SPAG6: variants seen among roughly 807,000 people sequenced by gnomAD.
SPAG6 encodes sperm-associated antigen 6.
Under a neutral mutation model 58.5 loss-of-function variants are expected in SPAG6, and 49 were observed. That is an observed-to-expected ratio of 0.84 (90% CI 0.67 to 1.06). The LOEUF is 1.06. Among genes scored for constraint, SPAG6 ranks in the 50% least tolerant of loss-of-function variants. The pLI, the probability that SPAG6 is intolerant of heterozygous loss-of-function variation, is 0.00. For synonymous variants in SPAG6, 233 were observed against 225.6 expected (o/e 1.03, Z -0.29); for missense variants, 560 against 611.3 (o/e 0.92, Z 0.89).
chr10:22,412,827 T>A (rs1351844070), intron 10 of SPAG6: 5 of 168,756 alleles, frequency 3.0e-5, no homozygotes, highest in Non-Finnish European at 5.0e-5. Flanking sequence ...CACCTTGGCC[T>A]CCCAAAGTGC....
intron 4 of SPAG6, among the ~76,000 whole-genome samples, chr10:22,371,299 G>T (rs1385158903): frequency 6.6e-6 from 1 of 152,030 alleles, no homozygotes; most frequent in African/African-American, 2.4e-5. Flanking sequence ...TGTCGCCCAG[G>T]CTGGAGTGCA....
At chr10:22,402,292 A>C (rs531290583) in intron 9 of SPAG6, among the ~76,000 whole-genome samples, 46 of 152,322 alleles carry the variant, frequency 3.0e-4, no homozygotes, top group African/African-American at 1.1e-3. Context: ...TTTAAAAAAA[A>C]ATGAATGGGG....
At chr10:22,408,832 C>T (rs1235487818) in intron 9 of SPAG6, among the ~76,000 whole-genome samples, 1 of 152,234 alleles carries the variant, frequency 6.6e-6, no homozygotes. Flanking sequence ...GGGATATAAT[C>T]TCCTGGTGCT....
At chr10:22,365,864 T>C (rs931068058) in intron 3 of SPAG6, among the ~76,000 whole-genome samples, 8 of 152,094 alleles carry the variant, frequency 5.3e-5, no homozygotes, top group African/African-American at 1.9e-4. Context: ...CACAATGAGG[T>C]ATCACTTCAT....
At chr10:22,393,206 T>A (rs1344427900) in intron 8 of SPAG6, among the ~76,000 whole-genome samples, 1 of 152,184 alleles carries the variant, frequency 6.6e-6, no homozygotes, top group Non-Finnish European at 1.5e-5. Flanking sequence ...TGGCTTCGTA[T>A]TTCTTTAACC....
intron 4 of SPAG6, among the ~76,000 whole-genome samples, chr10:22,371,722 G>A (rs1034894880): frequency 2.0e-5 from 3 of 152,102 alleles, no homozygotes; most frequent in South Asian, 2.1e-4. Flanking sequence ...ACTTTTAAGG[G>A]CAATAGAAGG....
intron 2 of SPAG6, chr10:22,361,013 A>T: frequency 1.7e-6 from 1 of 596,538 alleles, no homozygotes; most frequent in Non-Finnish European, 3.0e-6. Flanking sequence ...TATGTGTAAG[A>T]GGTAAAAACA....
intron 2 of SPAG6, 75 bp from the exon 3 acceptor site, chr10:22,364,778 G>T: frequency 9.4e-7 from 1 of 1,060,982 alleles, no homozygotes. Context: ...TTTACTGTCT[G>T]CATATATACT....
chr10:22,413,245 TAGTGCTGGCCAGGCTC>T (rs1250849242), intron 10 of SPAG6, among the ~76,000 whole-genome samples: 137 of 151,602 alleles, frequency 9.0e-4, no homozygotes, highest in African/African-American at 3.2e-3. Flanking sequence ...GAAATTAATC[TAGTGCTGGCCAGGCTC>T]AGTGGCTCAT....
At chr10:22,410,820 A>G (rs1310217972) in intron 9 of SPAG6, among the ~76,000 whole-genome samples, 3 of 152,166 alleles carry the variant, frequency 2.0e-5, no homozygotes, top group African/African-American at 7.2e-5. Context: ...GCCCATGTTC[A>G]TTGCCTTTAT....
chr10:22,394,324 A>G lies in SPAG6; in HGVS notation c.1197+2404A>G, dbSNP rs145240827. Among the ~76,000 whole-genome samples the G allele has an allele frequency of 5.0e-3, 762 of 152,312 alleles. 6 individuals are homozygous for G. Among genetic ancestry groups the G allele is most frequent in the African/African-American group, 0.018 (729 of 41,584 alleles). On this transcript the variant is annotated intron_variant, in intron 8 of 10. Coordinates refer to ENST00000376624, the MANE Select transcript of SPAG6 (RefSeq NM_012443.4). ...CCTTTATTTGTTTGGATTTAGAGGCATCATATTGAAATGTTTCATCTTACT... is the reference window on the plus strand; with the variant it reads ...CCTTTATTTGTTTGGATTTAGAGGCGTCATATTGAAATGTTTCATCTTACT...
intron 4 of SPAG6, among the ~76,000 whole-genome samples, chr10:22,375,665 C>G (rs760080774): frequency 9.3e-5 from 14 of 150,650 alleles, no homozygotes; most frequent in Non-Finnish European, 1.6e-4. Context: ...GGCAACTTCC[C>G]CCTCCCAGGT....
At chr10:22,352,433 C>T (rs531320717) in intron 2 of SPAG6, among the ~76,000 whole-genome samples, 17 of 151,924 alleles carry the variant, frequency 1.1e-4, no homozygotes, top group Non-Finnish European at 1.6e-4. Context: ...TTAGATTTTC[C>T]AGTAACTGCT....
chr10:22,406,486 C>T (rs1834559796), intron 9 of SPAG6, among the ~76,000 whole-genome samples: 1 of 152,196 alleles, frequency 6.6e-6, no homozygotes, highest in Non-Finnish European at 1.5e-5. Flanking sequence ...AGTTTGATTG[C>T]ACTGTGGTCT....
chr10:22,379,502 C>G (rs564531588), intron 4 of SPAG6, among the ~76,000 whole-genome samples: 2 of 152,314 alleles, frequency 1.3e-5, no homozygotes, highest in African/African-American at 4.8e-5. Flanking sequence ...GAAGCCTCAT[C>G]ATGAGCAGCC....
intron 2 of SPAG6, among the ~76,000 whole-genome samples, chr10:22,354,193 CA>C (rs1243542985): frequency 6.6e-6 from 1 of 152,136 alleles, no homozygotes; most frequent in African/African-American, 2.4e-5. Context: ...GGGATTAAAT[CA>C]GGATCAGGAG....
At chr10:22,386,506 G>A (rs908504055) in intron 4 of SPAG6, among the ~76,000 whole-genome samples, 1 of 151,656 alleles carries the variant, frequency 6.6e-6, no homozygotes, top group African/African-American at 2.4e-5. Context: ...AGAATAACAA[G>A]CCATTTCAGC....
chr10:22,362,145 GTATA>G (rs1048598560), intron 2 of SPAG6, among the ~76,000 whole-genome samples: 5 of 141,686 alleles, frequency 3.5e-5, no homozygotes, highest in African/African-American at 1.3e-4. Flanking sequence ...TTTATTTTAT[GTATA>G]TATATTTATT....
At chr10:22,383,532 G>A (rs1368470573) in intron 4 of SPAG6, among the ~76,000 whole-genome samples, 15 of 151,880 alleles carry the variant, frequency 9.9e-5, no homozygotes, top group Admixed American at 2.0e-4. Context: ...CCAGCTACTC[G>A]AGAGGCTGAG....
Sources: allele counts gnomAD v4.1 joint callset (sites outside exome capture counted in the v4.1 genomes callset), GRCh38; gene constraint gnomAD v4.1.1; transcripts MANE v1.5; gene names NCBI Gene and HGNC (gene_info 2026-07-23, HGNC 2026-07-21).